The following ZMYM4 variants were observed in gnomAD, a reference collection of about 807,000 sequenced individuals.
ZMYM4 encodes the protein zinc finger MYM-type containing 4.
In ZMYM4, 31 loss-of-function variants were observed where a neutral mutation model predicts 183.2. The observed-to-expected ratio is 0.17, with a 90% CI of 0.13 to 0.23. The LOEUF (loss-of-function observed/expected upper bound fraction) is 0.23, where lower values mean the gene tolerates loss of function less well. Ranked by LOEUF, ZMYM4 falls within the 10% of genes least tolerant of loss-of-function variation. The pLI, the probability that ZMYM4 is intolerant of heterozygous loss-of-function variation, is 1.00. For synonymous variants in ZMYM4, 592 were observed against 631.2 expected (o/e 0.94, Z 0.93); for missense variants, 1,273 against 1,840.3 (o/e 0.69, Z 5.64).
chr1:35,418,958 A>G (rs1640228440), intron 29 of ZMYM4, among the ~76,000 whole-genome samples: 1 of 152,186 alleles, frequency 6.6e-6, no homozygotes, highest in Non-Finnish European at 1.5e-5. Flanking sequence ...TTCTTAGAGG[A>G]ACTTTATGAT....
chr1:35,305,657 T>C (rs1380062977), intron 1 of ZMYM4, among the ~76,000 whole-genome samples: 2 of 152,000 alleles, frequency 1.3e-5, no homozygotes, highest in Non-Finnish European at 2.9e-5. Flanking sequence ...AGTCCTCCCA[T>C]CTCAGCCTCC....
intron 5 of ZMYM4, among the ~76,000 whole-genome samples, chr1:35,365,678 T>C (rs1412250591): frequency 3.3e-5 from 5 of 152,212 alleles, no homozygotes; most frequent in Non-Finnish European, 5.9e-5. Flanking sequence ...TCTTCATTTG[T>C]AGTAAACTAA....
chr1:35,301,744 A>T (rs1411926525), intron 1 of ZMYM4, among the ~76,000 whole-genome samples: 1 of 152,040 alleles, frequency 6.6e-6, no homozygotes, highest in East Asian at 1.9e-4. Flanking sequence ...AGATCTCTGA[A>T]CTTCTCAGTG....
intron 1 of ZMYM4, among the ~76,000 whole-genome samples, chr1:35,289,232 C>T (rs1484230755): frequency 6.6e-6 from 1 of 152,076 alleles, no homozygotes; most frequent in South Asian, 2.1e-4. Flanking sequence ...TCTTTTGGCT[C>T]CTGTATATGA....
chr1:35,322,553 C>T (rs901231766), intron 1 of ZMYM4, among the ~76,000 whole-genome samples: 8 of 152,032 alleles, frequency 5.3e-5, no homozygotes, highest in African/African-American at 1.9e-4. Context: ...GAGAATAGAT[C>T]ATTGGGTTTA....
intron 23 of ZMYM4, among the ~76,000 whole-genome samples, chr1:35,402,886 G>A (rs1644935937): frequency 6.6e-6 from 1 of 152,004 alleles, no homozygotes; most frequent in Non-Finnish European, 1.5e-5. Context: ...TATTGAACTA[G>A]CTAGTATCTT....
intron 2 of ZMYM4, among the ~76,000 whole-genome samples, chr1:35,326,975 T>C (rs1642530237): frequency 6.6e-6 from 1 of 152,190 alleles, no homozygotes. Context: ...TTCTCCTGTG[T>C]CAGCCTCCTG....
chr1:35,363,112 A>C (rs1324740024), intron 5 of ZMYM4, among the ~76,000 whole-genome samples: 1 of 152,186 alleles, frequency 6.6e-6, no homozygotes, highest in Non-Finnish European at 1.5e-5. Context: ...TGGAGGTTGC[A>C]GTGAACTGAG....
Position 35,401,824 on chromosome 1 carries a change from G to A in ZMYM4, c.3528+2248G>A, listed in dbSNP as rs1000666599. Among the ~76,000 whole-genome samples, 3 of 152,038 alleles carry A rather than the reference G, an allele frequency of 2.0e-5. No homozygotes were observed. In the East Asian group the frequency reaches 5.8e-4, roughly 29 times the overall value. ...GGTCAAGGTTCATTTTTTGAATATG[G>A]ACATCCAGTTGTTCCAGCACTGCCC... On this transcript the variant is annotated intron_variant, in intron 23 of 29. Transcript: ENST00000314607.
intron 26 of ZMYM4, among the ~76,000 whole-genome samples, chr1:35,411,279 G>A (rs1391530145): frequency 1.2e-4 from 17 of 146,602 alleles, no homozygotes; most frequent in African/African-American, 3.0e-4. Flanking sequence ...TCAGCCTCCC[G>A]AGTAGCTGGG....
intron 1 of ZMYM4, among the ~76,000 whole-genome samples, chr1:35,281,999 T>C (rs1300902441): frequency 6.6e-6 from 1 of 152,248 alleles, no homozygotes; most frequent in Admixed American, 6.5e-5. Flanking sequence ...CATTCCTTTT[T>C]ATGGCTGCAA....
intron 9 of ZMYM4, among the ~76,000 whole-genome samples, 172 bp downstream of exon 9, chr1:35,381,930 A>C (rs1000283968): frequency 2.0e-5 from 3 of 152,058 alleles, no homozygotes; most frequent in Admixed American, 1.3e-4. Context: ...AGATCACCTG[A>C]GGTTGGGAAT....
Position 35,389,779 on chromosome 1 carries a change from A to ATGTGTGTGTGTG in ZMYM4, c.2437-168_2437-167insGTGTGTGTGTGT, listed in dbSNP as rs879004452. Among the ~76,000 whole-genome samples the ATGTGTGTGTGTG allele has an allele frequency of 7.9e-5, 9 of 114,292 alleles. No individual in the cohort carries two copies. The highest frequency in any genetic ancestry group is 4.8e-4 in the African/African-American group (8 of 16,646). The allele number at this position is 114,292 out of a possible 152,430, so 75.0% of individuals were successfully genotyped here. Reference sequence around the variant, plus strand: ...CAAAAAAAAAAAAAAATATATATATATATGTGTGTGTGTGTGTGTGTGTGT... The same window carrying ATGTGTGTGTGTG: ...CAAAAAAAAAAAAAAATATATATATATGTGTGTGTGTGTATGTGTGTGTGTGTGTGTGTGTGT... On this transcript the variant is annotated intron_variant, in intron 14 of 29. Transcript: ENST00000314607. This position sits in a 1 kb window ranked among gnomAD's most constrained non-coding sequence, Gnocchi z 4.0.
intron 1 of ZMYM4, among the ~76,000 whole-genome samples, chr1:35,297,017 C>T (rs1192005087): frequency 4.0e-5 from 6 of 151,542 alleles, no homozygotes; most frequent in African/African-American, 1.2e-4. Context: ...ACCCTGCTAA[C>T]GTTTGCATTT....
chr1:35,361,800 C>A lies in ZMYM4; in HGVS notation c.840+11C>A. The A allele has an allele frequency of 6.3e-7, 1 of 1,593,046 alleles. No individual in the cohort carries two copies. Among genetic ancestry groups the A allele is most frequent in the African/African-American group, 1.4e-5 (1 of 73,598 alleles). On this transcript the variant is annotated intron_variant, in intron 5 of 29. Coordinates refer to ENST00000314607, the MANE Select transcript of ZMYM4 (RefSeq NM_005095.3). ...CCTGACAATGCTCAAGTAAACATTT[C>A]ACCTTTTTTCCCCCCTTCTTTTTGT...
At chr1:35,357,027 G>T (rs1448718512) in intron 2 of ZMYM4, among the ~76,000 whole-genome samples, 2 of 152,168 alleles carry the variant, frequency 1.3e-5, no homozygotes, top group African/African-American at 4.8e-5. Flanking sequence ...AGGACTGCAT[G>T]TGTGTACCAC....
At chr1:35,336,187 G>A (rs1642968583) in intron 2 of ZMYM4, among the ~76,000 whole-genome samples, 1 of 152,014 alleles carries the variant, frequency 6.6e-6, no homozygotes, top group Non-Finnish European at 1.5e-5. Context: ...TATCCTCAAG[G>A]TTCATCATGT....
intron 26 of ZMYM4, among the ~76,000 whole-genome samples, chr1:35,412,257 G>A (rs1358610832): frequency 6.6e-6 from 1 of 152,046 alleles, no homozygotes; most frequent in Non-Finnish European, 1.5e-5. Flanking sequence ...CTTATATGCT[G>A]CAACTTGGCT....
chr1:35,334,496 A>G (rs986503060), intron 2 of ZMYM4, among the ~76,000 whole-genome samples: 20 of 152,194 alleles, frequency 1.3e-4, no homozygotes, highest in Non-Finnish European at 2.8e-4. Flanking sequence ...GAATTTGAGC[A>G]GCTTTTAATA....
Sources: allele counts gnomAD v4.1 joint callset (sites outside exome capture counted in the v4.1 genomes callset), GRCh38; gene constraint gnomAD v4.1.1; non-coding constraint Gnocchi (gnomAD v3.1); transcripts MANE v1.5; gene names NCBI Gene and HGNC (gene_info 2026-07-23, HGNC 2026-07-21).